Variants in CDC25A observed in about 807,000 individuals in gnomAD.
CDC25A encodes the protein cell division cycle 25A, also known as M-phase inducer phosphatase 1.
A neutral mutation model predicts 64.6 loss-of-function variants in CDC25A; 17 were observed. The ratio of observed to expected loss-of-function variants is 0.26; its 90% CI spans 0.18 to 0.39. The LOEUF (loss-of-function observed/expected upper bound fraction) is 0.39. CDC25A is among the 10% of genes least tolerant of loss of function. CDC25A has a pLI of 1.00. For synonymous variants in CDC25A, 229 were observed against 238.6 expected (o/e 0.96, Z 0.37); for missense variants, 473 against 654.8 (o/e 0.72, Z 3.03).
At chr3:48,165,213 C>T (rs558677958) in intron 12 of CDC25A, among the ~76,000 whole-genome samples, 2 of 151,528 alleles carry the variant, frequency 1.3e-5, no homozygotes, top group South Asian at 4.2e-4. Flanking sequence ...GAACAATCAA[C>T]TTTGGAGGCA....
chr3:48,164,268 G>C (rs2031910256), intron 13 of CDC25A, 39 bp downstream of exon 13: 3 of 1,467,924 alleles, frequency 2.0e-6, no homozygotes, highest in East Asian at 5.2e-5. Flanking sequence ...AAGCATCATG[G>C]AGCCTGTGCC....
intron 4 of CDC25A, among the ~76,000 whole-genome samples, chr3:48,183,425 T>G (rs1347596907): frequency 6.6e-6 from 1 of 152,220 alleles, no homozygotes; most frequent in Non-Finnish European, 1.5e-5. Flanking sequence ...CTGGGAATAG[T>G]GGCTCTTGCC....
intron 8 of CDC25A, among the ~76,000 whole-genome samples, chr3:48,176,373 C>T (rs542567548): frequency 2.3e-4 from 35 of 151,832 alleles, no homozygotes; most frequent in Admixed American, 5.3e-4. Flanking sequence ...ATGATGAAAA[C>T]ACGAATCTAT....
At chr3:48,184,399 G>A (rs533046248) in intron 3 of CDC25A, among the ~76,000 whole-genome samples, 2 of 152,148 alleles carry the variant, frequency 1.3e-5, no homozygotes, top group South Asian at 4.2e-4. Flanking sequence ...TTCTTGTAAG[G>A]CTATGATGTC....
chr3:48,177,642 T>C (rs761666932), intron 7 of CDC25A, among the ~76,000 whole-genome samples, 200 bp from the exon 8 acceptor site: 3 of 152,174 alleles, frequency 2.0e-5, no homozygotes, highest in Non-Finnish European at 4.4e-5. Flanking sequence ...AGAAGGATCA[T>C]GTGTCTTCTT....
intron 13 of CDC25A, among the ~76,000 whole-genome samples, chr3:48,163,602 C>CAA (rs1329343758): frequency 3.6e-5 from 5 of 140,706 alleles, no homozygotes; most frequent in African/African-American, 1.3e-4. Context: ...AAAACTCCGT[C>CAA]AAAAAAAAAA....
chr3:48,184,932 C>T (rs2032796574), intron 2 of CDC25A, among the ~76,000 whole-genome samples: 1 of 152,130 alleles, frequency 6.6e-6, no homozygotes, highest in Non-Finnish European at 1.5e-5. Flanking sequence ...TTGCAAATAA[C>T]ATCAAGGGAA....
chr3:48,163,283 CAA>C (rs753999679), intron 13 of CDC25A, among the ~76,000 whole-genome samples: 4,587 of 90,158 alleles, frequency 0.051, 242 homozygotes, highest in African/African-American at 0.16. Context: ...GCCTCCGCCT[CAA>C]AAAAAAAAAA....
intron 13 of CDC25A, among the ~76,000 whole-genome samples, 181 bp downstream of exon 13, chr3:48,164,126 C>T (rs941415465): frequency 4.6e-5 from 7 of 152,148 alleles, no homozygotes; most frequent in Admixed American, 2.0e-4. Context: ...TAAGGACAGT[C>T]GGGGAGACTG....
intron 9 of CDC25A, among the ~76,000 whole-genome samples, chr3:48,172,709 C>T (rs1384107912): frequency 6.6e-6 from 1 of 152,102 alleles, no homozygotes; most frequent in Non-Finnish European, 1.5e-5. Flanking sequence ...ACAAAAAATA[C>T]AAAAATTAGC....
intron 13 of CDC25A, among the ~76,000 whole-genome samples, chr3:48,161,932 G>A (rs1345456722): frequency 1.3e-5 from 2 of 152,102 alleles, no homozygotes; most frequent in Non-Finnish European, 1.5e-5. Context: ...ATGGTGGCAT[G>A]CACCCGTAGT....
In CDC25A at chr3:48,180,668, T is replaced by C. The variant is rs941530325; in HGVS notation, c.549+53A>G. ...CTTCAATTCTGGATGAAAGAAGGTG[T>C]TTTAATCCTTTCTTCCTGTCAGGAA... On this transcript the variant is annotated intron_variant, in intron 6 of 14. Transcript: ENST00000302506. The C allele has an allele frequency of 2.5e-6, 4 of 1,600,330 alleles. No individual in the cohort carries two copies. The African/African-American group carries it at 5.4e-5, about 21-fold the overall frequency.
At chr3:48,170,608 A>G (rs886318449) in intron 9 of CDC25A, among the ~76,000 whole-genome samples, 1 of 152,182 alleles carries the variant, frequency 6.6e-6, no homozygotes, top group African/African-American at 2.4e-5. Context: ...TCAAGGTTTT[A>G]GGGAGGCTTC....
At chr3:48,169,657 T>C (rs2032189565) in intron 9 of CDC25A, among the ~76,000 whole-genome samples, 1 of 152,160 alleles carries the variant, frequency 6.6e-6, no homozygotes, top group Non-Finnish European at 1.5e-5. Flanking sequence ...GTAAAAGTAC[T>C]TAGGAGACAA....
At chr3:48,178,098 C>T in intron 6 of CDC25A, 110 bp from the exon 7 acceptor site, 2 of 1,104,578 alleles carry the variant, frequency 1.8e-6, no homozygotes, top group Non-Finnish European at 1.3e-6. Context: ...ACTTGTTATA[C>T]AAAGCAAAAT....
chr3:48,182,907 A>T, intron 5 of CDC25A, 22 bp downstream of exon 5: 1 of 1,473,482 alleles, frequency 6.8e-7, no homozygotes, highest in Non-Finnish European at 9.5e-7. Context: ...GCCTCAGGTT[A>T]GTACATTGAA....
intron 14 of CDC25A, 45 bp downstream of exon 14, chr3:48,159,299 C>T (rs770739915): frequency 6.9e-7 from 1 of 1,443,838 alleles, no homozygotes; most frequent in Admixed American, 1.7e-5. Flanking sequence ...TAGTCTACCA[C>T]TGGGGGCAGG....
chr3:48,162,297 TGAGA>T (rs1553767748), intron 13 of CDC25A, among the ~76,000 whole-genome samples: 30 of 149,730 alleles, frequency 2.0e-4, no homozygotes, highest in African/African-American at 6.2e-4. Flanking sequence ...TGTGTGTGTG[TGAGA>T]GAGAGACAGA....
chr3:48,160,835 C>T (rs1214408824), intron 13 of CDC25A, among the ~76,000 whole-genome samples: 2 of 152,070 alleles, frequency 1.3e-5, no homozygotes, highest in East Asian at 3.9e-4. Context: ...CTCTGCAGCA[C>T]GTAGCTTAAA....
Sources: gnomAD v4.1 joint callset for allele counts (sites outside exome capture counted in the v4.1 genomes callset) on GRCh38, gnomAD v4.1.1 for gene constraint, MANE v1.5 for transcripts, NCBI Gene and HGNC (gene_info 2026-07-23, HGNC 2026-07-21) for gene names.